The following NSD2 variants were observed in gnomAD, a reference collection of about 807,000 sequenced individuals.
NSD2 encodes the protein nuclear receptor binding SET domain protein 2.
NSD2 carries 12 observed loss-of-function variants against 139.0 expected under a neutral mutation model. That is an observed-to-expected ratio of 0.09 (90% CI 0.06 to 0.14). The LOEUF (loss-of-function observed/expected upper bound fraction) is 0.14, where lower values mean the gene tolerates loss of function less well. Ranked by LOEUF, NSD2 falls within the 10% of genes least tolerant of loss-of-function variation. The probability of loss-of-function intolerance (pLI) is 1.00; values close to 1 mark genes in which losing one functional copy is unlikely to be tolerated. For synonymous variants in NSD2, 669 were observed against 648.7 expected (o/e 1.03, Z -0.48); for missense variants, 1,155 against 1,745.0 (o/e 0.66, Z 6.02).
chr4:1,953,827 C>G lies in NSD2; in HGVS notation c.2338+303C>G, dbSNP rs377195739. ...TTTTCTTTATAGAGATAGAGTCTTG[C>G]TCTGTTACCCAGGCTGGAGTGCAGT... On this transcript the variant is annotated intron_variant, in intron 12 of 21. Coordinates refer to ENST00000508803, the MANE Select transcript of NSD2 (RefSeq NM_001042424.3). Among the ~76,000 whole-genome samples, 8 of 151,078 alleles carry G rather than the reference C, an allele frequency of 5.3e-5. No individual in the cohort carries two copies. In the East Asian group the frequency reaches 1.6e-3, roughly 30 times the overall value.
At chr4:1,881,421 C>A (rs1054762140) in intron 1 of NSD2, among the ~76,000 whole-genome samples, 5 of 152,148 alleles carry the variant, frequency 3.3e-5, no homozygotes, top group Non-Finnish European at 7.4e-5. Context: ...CGCTGCCACG[C>A]CCGGTTGATT....
rs1199748918 is a variant in NSD2 at position 1,917,090 on chromosome 4, TTTAAG to T, written c.927+58_927+62del. 2.0e-6 allele frequency: 3 copies of T among 1,475,952 alleles called. No homozygotes were observed. The African/African-American group carries it at 4.3e-5, about 21-fold the overall frequency. 91.4% of individuals were successfully genotyped at this position (1,475,952 alleles called of 1,614,324 possible). On this transcript the variant is annotated intron_variant, in intron 4 of 21. Transcript: ENST00000508803. ...TAGACCAGAAATTTAATTTTTATTC[TTTAAG>T]TTAACTTATTTTTGTTTTGAACTTA...
intron 1 of NSD2, among the ~76,000 whole-genome samples, chr4:1,872,637 C>CGAGAGCGA (rs1375337847): frequency 3.7e-5 from 3 of 81,746 alleles, no homozygotes; most frequent in Non-Finnish European, 5.0e-5. Context: ...AGAGAGAGAG[C>CGAGAGCGA]GCGCAGACCC....
rs1019161924 is a variant in NSD2, at chr4:1,953,656, A to G, written c.2338+132A>G. Reference sequence around the variant, plus strand: ...AATTATCTTGAGTGACTAACTGGACATCGGCTGGGTTGGGTTTTCTTTGAC... The same window carrying G: ...AATTATCTTGAGTGACTAACTGGACGTCGGCTGGGTTGGGTTTTCTTTGAC... On this transcript the variant is annotated intron_variant, in intron 12 of 21. Transcript: ENST00000508803. 11 of 1,186,370 alleles carry G rather than the reference A, an allele frequency of 9.3e-6. No individual in the cohort carries two copies. The African/African-American group carries it at 1.5e-4, about 17-fold the overall frequency. The allele number at this position is 1,186,370 out of a possible 1,614,324, so 73.5% of individuals were successfully genotyped here. A position where few individuals can be genotyped will look rare whatever the true frequency, so the allele number is the denominator to read the frequency against.
chr4:1,890,893 G>A (rs62286996), intron 1 of NSD2, among the ~76,000 whole-genome samples: 6 of 151,522 alleles, frequency 4.0e-5, no homozygotes, highest in Admixed American at 6.6e-5. Flanking sequence ...CACCACGCCC[G>A]GCCTTTTTTT....
intron 3 of NSD2, among the ~76,000 whole-genome samples, chr4:1,910,021 A>G (rs1718454037): frequency 6.6e-6 from 1 of 152,152 alleles, no homozygotes; most frequent in South Asian, 2.1e-4. Context: ...AATATACTTA[A>G]ATTTTGAAAA....
chr4:1,940,904 C>G (rs890557594), intron 9 of NSD2: 1 of 1,056,792 alleles, frequency 9.5e-7, no homozygotes, highest in Admixed American at 5.4e-5. Flanking sequence ...GAATCCTCAG[C>G]GACCACTCCT....
In NSD2 at chr4:1,955,267, C is replaced by A. The variant is rs1724688783; in HGVS notation, c.2445C>A (p.Ala815=). 18 of 1,614,048 alleles carry A rather than the reference C, an allele frequency of 1.1e-5. No homozygotes were observed. The highest frequency in any genetic ancestry group is 1.5e-5 in the Non-Finnish European group (18 of 1,180,038). ...VIASNSIICT[A]HFTARKGKRH... The stretch of plus-strand genomic sequence containing the variant: ...CCTCCAACAGCATCATCTGCACTGC[C>A]CACTTCACTGCTCGGAAGGGGAAGC... Residue 815 remains alanine, a synonymous_variant, in exon 13 of 22, where the codon GCC becomes GCA. Transcript: ENST00000508803. This position sits in a 1 kb window ranked among gnomAD's most constrained non-coding sequence, Gnocchi z 4.7.
chr4:1,873,912 A>G (rs1045675567), intron 1 of NSD2, among the ~76,000 whole-genome samples: 14 of 152,120 alleles, frequency 9.2e-5, no homozygotes, highest in Admixed American at 5.9e-4. Context: ...TGCAGTGGCT[A>G]TTTCAGAGGA....
At chr4:1,943,199 C>T (rs1032235251) in intron 9 of NSD2, 8 of 1,041,144 alleles carry the variant, frequency 7.7e-6, no homozygotes, top group Admixed American at 5.6e-5. Flanking sequence ...GCTTACTTGC[C>T]CTTCAGCTCA....
chr4:1,937,199 G>A (rs1417138160), intron 7 of NSD2, among the ~76,000 whole-genome samples: 4 of 151,948 alleles, frequency 2.6e-5, no homozygotes, highest in Admixed American at 6.6e-5. Flanking sequence ...TTACAGGTGC[G>A]TGCCACCATG....
At chr4:1,943,131 C>T (rs1723270274) in intron 9 of NSD2, 2 of 1,044,856 alleles carry the variant, frequency 1.9e-6, no homozygotes, top group South Asian at 4.6e-5. Context: ...GTCTTAATGT[C>T]GGGGAGCAGC....
intron 5 of NSD2, among the ~76,000 whole-genome samples, chr4:1,926,606 G>C (rs984929101): frequency 1.3e-5 from 2 of 151,768 alleles, no homozygotes; most frequent in Non-Finnish European, 1.5e-5. Context: ...TAGTAGCTGG[G>C]ACTACTGGTG....
chr4:1,951,443 T>TAC (rs71167763), intron 10 of NSD2, among the ~76,000 whole-genome samples: 71 of 101,042 alleles, frequency 7.0e-4, no homozygotes, highest in African/African-American at 1.9e-3. Flanking sequence ...CATCATGTAA[T>TAC]ACACACACAC....
At chr4:1,874,783 CAG>C (rs1157058625) in intron 1 of NSD2, among the ~76,000 whole-genome samples, 1 of 152,066 alleles carries the variant, frequency 6.6e-6, no homozygotes, top group Non-Finnish European at 1.5e-5. Context: ...ATAAAGTACA[CAG>C]AATACGAAAG....
chr4:1,953,903 C>G, intron 12 of NSD2, among the ~76,000 whole-genome samples: 1 of 151,150 alleles, frequency 6.6e-6, no homozygotes, highest in East Asian at 1.9e-4. Context: ...GCTGTCCTCT[C>G]GGGCTCAAGC....
At chr4:1,978,189 T>C (rs904256365) in intron 21 of NSD2, among the ~76,000 whole-genome samples, 3 of 152,102 alleles carry the variant, frequency 2.0e-5, no homozygotes, top group Non-Finnish European at 4.4e-5. Context: ...TGACACACGA[T>C]AGAGAAAAGT....
intron 21 of NSD2, among the ~76,000 whole-genome samples, chr4:1,978,001 C>T (rs1727286880): frequency 6.6e-6 from 1 of 151,682 alleles, no homozygotes; most frequent in Non-Finnish European, 1.5e-5. Context: ...GTGGCGGGCG[C>T]CTGTAATCCT....
intron 18 of NSD2, among the ~76,000 whole-genome samples, chr4:1,967,302 G>A (rs1000924168): frequency 8.5e-5 from 13 of 152,198 alleles, no homozygotes; most frequent in African/African-American, 1.2e-4. Flanking sequence ...CTGAGAGGCC[G>A]GGCACGGTGG....
Sources: allele counts gnomAD v4.1 joint callset (sites outside exome capture counted in the v4.1 genomes callset), GRCh38; gene constraint gnomAD v4.1.1; non-coding constraint Gnocchi (gnomAD v3.1); transcripts MANE v1.5; gene names NCBI Gene and HGNC (gene_info 2026-07-23, HGNC 2026-07-21).